Variants in KRABD4 observed in about 807,000 individuals in gnomAD.
KRABD4 encodes the protein KRAB domain-containing protein 4.
At chrX:46,457,380 G>A in the KRABD4 span, among the ~76,000 whole-genome samples, 1 of 112,096 alleles carries the variant, frequency 8.9e-6, no homozygotes, top group Non-Finnish European at 1.9e-5. Context: ...CAATGCATAT[G>A]ATATGCAAAG....
At chrX:46,454,841 T>G in the KRABD4 span, 1 of 115,809 alleles carries the variant, frequency 8.6e-6, no homozygotes, top group Admixed American at 9.3e-5. Context: ...TTATGACATT[T>G]TATTGTAGTT....
At chrX:46,454,806 C>T in the KRABD4 span, among the ~76,000 whole-genome samples, 1 of 111,592 alleles carries the variant, frequency 9.0e-6, no homozygotes, top group African/African-American at 3.3e-5. Context: ...CTCAAAAAAA[C>T]AAAAACAAAC....
chrX:46,464,167 C>T, the KRABD4 span, among the ~76,000 whole-genome samples: 2 of 111,292 alleles, frequency 1.8e-5, no homozygotes, highest in Admixed American at 9.6e-5. Context: ...TTCCTGTGGG[C>T]TACCTACAAG....
the KRABD4 span, chrX:46,448,451 C>T: frequency 8.9e-6 from 1 of 112,980 alleles, no homozygotes; most frequent in Non-Finnish European, 1.9e-5. Context: ...GAGGAGAAGC[C>T]TCAGCCCAGA....
At chrX:46,458,704 ATATT>A in the KRABD4 span, among the ~76,000 whole-genome samples, 1 of 111,780 alleles carries the variant, frequency 8.9e-6, no homozygotes, top group Admixed American at 9.5e-5. Flanking sequence ...TCCTAGTGAA[ATATT>A]TATATGTCCA....
the KRABD4 span, among the ~76,000 whole-genome samples, chrX:46,466,173 A>G: frequency 2.7e-5 from 3 of 111,574 alleles, no homozygotes; most frequent in Non-Finnish European, 3.8e-5. Flanking sequence ...AAGTTTGTTG[A>G]TCTTTTCTTA....
At chrX:46,468,223 G>A in the KRABD4 span, among the ~76,000 whole-genome samples, 15 of 111,344 alleles carry the variant, frequency 1.3e-4, no homozygotes, top group African/African-American at 3.6e-4. Flanking sequence ...CAAGTGATCC[G>A]TTTATTATTT....
the KRABD4 span, among the ~76,000 whole-genome samples, chrX:46,458,394 C>T: frequency 1.8e-5 from 2 of 112,106 alleles, no homozygotes; most frequent in East Asian, 2.8e-4. Context: ...ACCCTTAACA[C>T]AGTAATGCCC....
chrX:46,472,501 C>T, the KRABD4 span: 1 of 337,956 alleles, frequency 3.0e-6, no homozygotes, highest in Non-Finnish European at 5.1e-6. Context: ...ATTTTTGTCA[C>T]ATAATAAATT....
At chrX:46,468,828 G>A in the KRABD4 span, among the ~76,000 whole-genome samples, 1 of 111,178 alleles carries the variant, frequency 9.0e-6, no homozygotes, top group African/African-American at 3.3e-5. Flanking sequence ...GAACATATGT[G>A]TCACTCTGTA....
chrX:46,456,063 CA>C, the KRABD4 span: 1 of 358,782 alleles, frequency 2.8e-6, no homozygotes, highest in Admixed American at 2.9e-5. Flanking sequence ...TCACTAAGTC[CA>C]AGGCCCAGCT....
At chrX:46,459,786 C>T in the KRABD4 span, among the ~76,000 whole-genome samples, 48 of 111,802 alleles carry the variant, frequency 4.3e-4, no homozygotes, top group Non-Finnish European at 6.8e-4. Context: ...CCAAGTTTTT[C>T]CTACTGTCTC....
chrX:46,459,035 G>A, the KRABD4 span, among the ~76,000 whole-genome samples: 2 of 111,802 alleles, frequency 1.8e-5, no homozygotes, highest in African/African-American at 3.2e-5. Flanking sequence ...AGGAGCAGCC[G>A]GGCATGGTGA....
chrX:46,461,781 T>A, the KRABD4 span, among the ~76,000 whole-genome samples: 143 of 111,640 alleles, frequency 1.3e-3, no homozygotes, highest in Non-Finnish European at 2.1e-3. Context: ...TGATTAGCTA[T>A]GTTTAGAACT....
chrX:46,458,550 A>G, the KRABD4 span, among the ~76,000 whole-genome samples: 1 of 112,263 alleles, frequency 8.9e-6, no homozygotes, highest in African/African-American at 3.2e-5. Context: ...ACCTGCTGTC[A>G]TTTATCTGTA....
chrX:46,461,504 A>G, the KRABD4 span, among the ~76,000 whole-genome samples: 5 of 111,452 alleles, frequency 4.5e-5, no homozygotes, highest in Admixed American at 2.8e-4. Context: ...CCTCTCCTGC[A>G]CAGCTGGGTA....
the KRABD4 span, among the ~76,000 whole-genome samples, chrX:46,460,997 A>G: frequency 1.0e-5 from 1 of 96,824 alleles, no homozygotes; most frequent in African/African-American, 3.9e-5. Flanking sequence ...TCATTAGCAT[A>G]TAAAAGATAC....
chrX:46,462,662 A>C, the KRABD4 span: 3 of 1,205,368 alleles, frequency 2.5e-6, no homozygotes, highest in Non-Finnish European at 3.4e-6. Flanking sequence ...TAGAGGGCAC[A>C]GAGTAAGCCC....
At chrX:46,469,830 G>GT in the KRABD4 span, among the ~76,000 whole-genome samples, 2 of 111,142 alleles carry the variant, frequency 1.8e-5, no homozygotes, top group Non-Finnish European at 3.8e-5. Context: ...TTACTTGCAG[G>GT]TTTTTTCATA....
Sources: gnomAD v4.1 joint callset for allele counts (sites outside exome capture counted in the v4.1 genomes callset) on GRCh38, gnomAD v4.1.1 for gene constraint, MANE v1.5 for transcripts, NCBI Gene and HGNC (gene_info 2026-07-23, HGNC 2026-07-21) for gene names.